TGFBRAP1: variants seen among roughly 807,000 people sequenced by gnomAD.
TGFBRAP1 encodes the protein transforming growth factor-beta receptor-associated protein 1.
A neutral mutation model predicts 83.2 loss-of-function variants in TGFBRAP1; 20 were observed. The ratio of observed to expected loss-of-function variants is 0.24; its 90% CI spans 0.17 to 0.35. The LOEUF is 0.35. Among genes scored for constraint, TGFBRAP1 ranks in the 10% least tolerant of loss-of-function variants. The pLI is 1.00. For synonymous variants in TGFBRAP1, 415 were observed against 459.8 expected (o/e 0.90, Z 1.25); for missense variants, 950 against 1,099.4 (o/e 0.86, Z 1.92).
chr2:105,311,283 C>T (rs1678684292), intron 1 of TGFBRAP1, among the ~76,000 whole-genome samples: 1 of 152,026 alleles, frequency 6.6e-6, no homozygotes, highest in South Asian at 2.1e-4. Flanking sequence ...GATAAGCTTC[C>T]TATTATAGGC....
chr2:105,280,733 C>T lies in TGFBRAP1; in HGVS notation c.1122-10G>A, dbSNP rs777941271. The T allele has an allele frequency of 5.0e-6, 8 of 1,607,162 alleles. No individual in the cohort carries two copies. The Admixed American group carries it at 8.4e-5, about 17-fold the overall frequency. ...ATCAAGCTGGCCGCTTCTGCAATTA[C>T]AGTGTCAAACTAAATGAAGCAAAAA... On this transcript the variant is annotated splice_polypyrimidine_tract_variant and intron_variant, in intron 5 of 11. Transcript: ENST00000393359.
At chr2:105,300,348 T>C (rs1469361682) in intron 2 of TGFBRAP1, among the ~76,000 whole-genome samples, 5 of 152,032 alleles carry the variant, frequency 3.3e-5, no homozygotes, top group Non-Finnish European at 7.3e-5. Flanking sequence ...CCCATGTAGC[T>C]GAGACACAGT....
chr2:105,296,028 T>C (rs1408753315), intron 4 of TGFBRAP1, among the ~76,000 whole-genome samples: 1 of 152,156 alleles, frequency 6.6e-6, no homozygotes, highest in Non-Finnish European at 1.5e-5. Flanking sequence ...TTATAAGAAC[T>C]ATGTTATTGA....
At chr2:105,292,073 C>T (rs1381497287) in intron 4 of TGFBRAP1, among the ~76,000 whole-genome samples, 1 of 152,168 alleles carries the variant, frequency 6.6e-6, no homozygotes, top group Non-Finnish European at 1.5e-5. Context: ...TCAACAAGCA[C>T]AAACTCAAGA....
intron 4 of TGFBRAP1, among the ~76,000 whole-genome samples, chr2:105,291,636 G>A (rs916610522): frequency 6.6e-6 from 1 of 152,218 alleles, no homozygotes; most frequent in African/African-American, 2.4e-5. Context: ...GATGAAGCCT[G>A]AGGACATTAT....
At chr2:105,322,180 G>GA (rs999232512) in intron 1 of TGFBRAP1, among the ~76,000 whole-genome samples, 9 of 148,388 alleles carry the variant, frequency 6.1e-5, no homozygotes, top group Non-Finnish European at 1.0e-4. Context: ...AAAGTTTAAA[G>GA]AAAAAAAAAG....
chr2:105,273,325 TA>T (rs757795877), intron 9 of TGFBRAP1, among the ~76,000 whole-genome samples: 10 of 151,906 alleles, frequency 6.6e-5, no homozygotes, highest in Non-Finnish European at 1.5e-4. Context: ...AGAGGAAAAA[TA>T]AAAGCTGAGT....
At chr2:105,291,763 G>A (rs1046953957) in intron 4 of TGFBRAP1, among the ~76,000 whole-genome samples, 11 of 152,152 alleles carry the variant, frequency 7.2e-5, no homozygotes, top group Non-Finnish European at 1.3e-4. Context: ...TGCCTGGGCC[G>A]GGTGCGGAGG....
chr2:105,251,373 C>T, the TGFBRAP1 span, among the ~76,000 whole-genome samples: 5 of 149,076 alleles, frequency 3.4e-5, no homozygotes, highest in African/African-American at 7.4e-5. Context: ...GCGCCTCTGC[C>T]CCGCCGCCCA....
chr2:105,269,128 T>C lies in TGFBRAP1; in HGVS notation c.2406+144A>G. The C allele has an allele frequency of 8.9e-7, 1 of 1,120,070 alleles. No individual in the cohort carries two copies. The highest frequency in any genetic ancestry group is 2.6e-5 in the East Asian group (1 of 37,830). The allele number at this position is 1,120,070 out of a possible 1,614,324, so 69.4% of individuals were successfully genotyped here. On this transcript the variant is annotated intron_variant, in intron 11 of 11. Coordinates refer to ENST00000393359, the MANE Select transcript of TGFBRAP1 (RefSeq NM_004257.6). This position sits in a 1 kb window ranked among gnomAD's most constrained non-coding sequence, Gnocchi z 4.1. The stretch of plus-strand genomic sequence containing the variant: ...CTCTGCTCACACAGACCTCAGTTTC[T>C]ATGAGTAGGATCAGATATTGATGTG...
chr2:105,308,808 C>T (rs1055782397), intron 1 of TGFBRAP1, among the ~76,000 whole-genome samples: 1 of 152,142 alleles, frequency 6.6e-6, no homozygotes, highest in African/African-American at 2.4e-5. Flanking sequence ...AGAAATGATC[C>T]TCACTGATCT....
intron 1 of TGFBRAP1, chr2:105,324,234 G>A (rs1324233690): frequency 6.6e-6 from 1 of 152,184 alleles, no homozygotes; most frequent in East Asian, 1.9e-4. Flanking sequence ...TAACAAAAGA[G>A]GAAGCTGGGT....
chr2:105,306,774 G>T (rs567199718), intron 2 of TGFBRAP1, among the ~76,000 whole-genome samples: 1 of 152,192 alleles, frequency 6.6e-6, no homozygotes, highest in African/African-American at 2.4e-5. Context: ...ACTCCAGCCT[G>T]GGCAATAAAG....
chr2:105,322,452 C>T lies in TGFBRAP1; in HGVS notation c.-18+7173G>A, dbSNP rs80292994. On this transcript the variant is annotated intron_variant, in intron 1 of 11. Transcript: ENST00000393359. ...TTCACTTTCACTTGCCACTTACTCA[C>T]TGACTCACCCAGAGAAACTTCCAGT... 8.1e-3 allele frequency among the ~76,000 whole-genome samples: 1,241 copies of T among 152,332 alleles called. 19 individuals are homozygous for T. The highest frequency in any genetic ancestry group is 0.029 in the African/African-American group (1,194 of 41,574).
chr2:105,291,434 A>C (rs1677911047), intron 4 of TGFBRAP1, among the ~76,000 whole-genome samples: 1 of 152,200 alleles, frequency 6.6e-6, no homozygotes. Context: ...GTAGAGGTGT[A>C]GTTTTTTAAT....
At chr2:105,277,515 AAG>A in intron 7 of TGFBRAP1, 97 bp downstream of exon 7, 1 of 819,302 alleles carries the variant, frequency 1.2e-6, no homozygotes, top group Non-Finnish European at 1.8e-6. Flanking sequence ...GATCAGGCAA[AAG>A]TGGTCTCTAT....
At chr2:105,296,583 A>G (rs1373315733) in intron 3 of TGFBRAP1, 73 bp from the exon 4 acceptor site, 1 of 1,517,844 alleles carries the variant, frequency 6.6e-7, no homozygotes, top group African/African-American at 1.4e-5. Flanking sequence ...GCTTTCCCCA[A>G]ACTGGATCAT....
intron 1 of TGFBRAP1, among the ~76,000 whole-genome samples, chr2:105,317,205 G>A (rs545250792): frequency 3.3e-5 from 5 of 152,152 alleles, no homozygotes; most frequent in South Asian, 2.1e-4. Flanking sequence ...CTGGGAGGCC[G>A]AGGTGGGAGG....
At position 105,301,443 on chromosome 2, in the gene TGFBRAP1, C is replaced by T. The variant is rs192598767; in HGVS notation, c.689-2738G>A. Among the ~76,000 whole-genome samples the T allele has an allele frequency of 1.5e-3, 224 of 151,880 alleles. No individual in the cohort carries two copies. The Middle Eastern group carries it at 0.017, about 12-fold the overall frequency. ...CTACAAAAAAATACAAAAAATTAGC[C>T]AGGAATGATGGCACCCACCTGTAAT... is the stretch of plus-strand genomic sequence containing the variant. On this transcript the variant is annotated intron_variant, in intron 2 of 11. Coordinates refer to ENST00000393359, the MANE Select transcript of TGFBRAP1 (RefSeq NM_004257.6).
Sources: gnomAD v4.1 joint callset for allele counts (sites outside exome capture counted in the v4.1 genomes callset) on GRCh38, gnomAD v4.1.1 for gene constraint, Gnocchi (gnomAD v3.1) non-coding constraint, MANE v1.5 for transcripts, NCBI Gene and HGNC (gene_info 2026-07-23, HGNC 2026-07-21) for gene names.